Variants in PKHD1L1 observed in about 807,000 individuals in gnomAD.
The protein encoded by PKHD1L1 is PKHD1 like 1.
PKHD1L1 carries 434 observed loss-of-function variants against 462.9 expected under a neutral mutation model. That is an observed-to-expected ratio of 0.94 (90% CI 0.87 to 1.02). The LOEUF (loss-of-function observed/expected upper bound fraction) is 1.02. PKHD1L1 is among the 50% of genes least tolerant of loss of function. The pLI is 0.00. For missense variants in PKHD1L1, 5,202 were observed against 5,096.1 expected (o/e 1.02, Z -0.63); for synonymous variants, 1,781 against 1,750.0 (o/e 1.02, Z -0.44).
chr8:109,372,442 A>G (rs77389950), intron 2 of PKHD1L1, among the ~76,000 whole-genome samples: 5 of 152,220 alleles, frequency 3.3e-5, no homozygotes, highest in Non-Finnish European at 5.9e-5. Context: ...CAATCTCGTC[A>G]TCTGCAAACA....
chr8:109,527,745 G>A (rs928046933), intron 77 of PKHD1L1, among the ~76,000 whole-genome samples: 2 of 152,198 alleles, frequency 1.3e-5, no homozygotes, highest in Non-Finnish European at 2.9e-5. Flanking sequence ...TCTCTTTGGT[G>A]TTAGCTTTAC....
At chr8:109,429,521 T>G in intron 26 of PKHD1L1, 59 bp downstream of exon 26, 1 of 1,493,896 alleles carries the variant, frequency 6.7e-7, no homozygotes. Context: ...AACTAGTTTG[T>G]AATATGTTAA....
chr8:109,390,494 G>T lies in PKHD1L1; in HGVS notation c.740G>T (p.Arg247Met). The change falls in exon 9 of 78, where the codon AGG (arginine) becomes ATG (methionine). Residue 247 changes from arginine (R) to methionine (M), a missense_variant and splice_region_variant. Arg to Met is a moderately conservative substitution (Grantham distance 91). Transcript: ENST00000378402. ...VSFILDNDYG[R>M]SFPQKMAYFV... The stretch of plus-strand genomic sequence containing the variant: ...TTCATCTTAGATAATGATTATGGAA[G>T]GTAGGCTATTTTGTAAATAATAACT... 1.4e-6 allele frequency: 2 copies of T among 1,436,002 alleles called. No homozygotes were observed. The highest frequency in any genetic ancestry group is 1.9e-6 in the Non-Finnish European group (2 of 1,064,760). 89.0% of individuals were successfully genotyped at this position (1,436,002 alleles called of 1,614,324 possible). A position where few individuals can be genotyped will look rare whatever the true frequency, so the allele number is the denominator to read the frequency against.
At chr8:109,492,216 C>T (rs1034759012) in intron 62 of PKHD1L1, among the ~76,000 whole-genome samples, 1 of 151,576 alleles carries the variant, frequency 6.6e-6, no homozygotes, top group African/African-American at 2.4e-5. Flanking sequence ...AGTACAGGGC[C>T]TCTTTGCTGC....
chr8:109,465,486 A>AT (rs1016653917), intron 49 of PKHD1L1, among the ~76,000 whole-genome samples: 2 of 152,160 alleles, frequency 1.3e-5, no homozygotes, highest in African/African-American at 4.8e-5. Flanking sequence ...TGGCACATTG[A>AT]TTTTAAATTA....
intron 77 of PKHD1L1, among the ~76,000 whole-genome samples, chr8:109,527,818 C>G (rs747137003): frequency 2.6e-5 from 4 of 152,174 alleles, no homozygotes; most frequent in Non-Finnish European, 4.4e-5. Flanking sequence ...ACATCTTCTA[C>G]CAGCCCATCA....
intron 47 of PKHD1L1, 87 bp from the exon 48 acceptor site, chr8:109,461,685 C>T: frequency 2.2e-6 from 3 of 1,386,650 alleles, no homozygotes; most frequent in Non-Finnish European, 2.0e-6. Context: ...ATATGTGAAT[C>T]AAATGATACA....
chr8:109,477,283 T>C lies in PKHD1L1; in HGVS notation c.8976T>C (p.Asp2992=), dbSNP rs755745160. 1.1e-5 allele frequency: 17 copies of C among 1,613,592 alleles called. No homozygotes were observed. The highest frequency in any genetic ancestry group is 1.4e-5 in the Non-Finnish European group (17 of 1,179,652). ...SQLISGNLDP[D]VKDVVINFQA... is the part of the protein sequence containing the mutation. The stretch of plus-strand genomic sequence containing the variant: ...TCATTTCTGGGAACCTGGATCCTGA[T>C]GTGAAAGACGTTGTTATTAATTTCC... Residue 2992 remains aspartate (D), a synonymous_variant, in exon 53 of 78, where the codon GAT becomes GAC. Transcript: ENST00000378402.
At chr8:109,425,562 C>T (rs1814702905) in intron 24 of PKHD1L1, among the ~76,000 whole-genome samples, 1 of 151,882 alleles carries the variant, frequency 6.6e-6, no homozygotes, top group Non-Finnish European at 1.5e-5. Flanking sequence ...TAAAAGTCTG[C>T]AAAAATTTAT....
intron 34 of PKHD1L1, 146 bp downstream of exon 34, chr8:109,441,525 G>T (rs1198118090): frequency 1.6e-6 from 1 of 613,398 alleles, no homozygotes; most frequent in Non-Finnish European, 2.8e-6. Flanking sequence ...GCTTGACATA[G>T]AGGGTCACAT....
chr8:109,448,484 C>A, intron 39 of PKHD1L1, 93 bp downstream of exon 39: 33 of 1,184,848 alleles, frequency 2.8e-5, no homozygotes, highest in Non-Finnish European at 3.3e-5. Flanking sequence ...TACTCAAACA[C>A]ATAAAATTTC....
At chr8:109,438,664 T>C (rs1236914000) in intron 31 of PKHD1L1, among the ~76,000 whole-genome samples, 1 of 152,078 alleles carries the variant, frequency 6.6e-6, no homozygotes, top group Non-Finnish European at 1.5e-5. Context: ...GTAAGTTTTT[T>C]TTTTTAAAAA....
At position 109,420,515 on chromosome 8, in the gene PKHD1L1, T is replaced by C. The variant is rs1463559252; in HGVS notation, c.2525-3T>C. ...ACCTAATATTTTTATTTATATTCTTTAGAAATGCCCAAGAGAAGACTTCCT... is the reference window on the plus strand; with the variant it reads ...ACCTAATATTTTTATTTATATTCTTCAGAAATGCCCAAGAGAAGACTTCCT... On this transcript the variant is annotated splice_polypyrimidine_tract_variant and splice_region_variant and intron_variant, in intron 22 of 77. Transcript: ENST00000378402. 1.9e-6 allele frequency: 3 copies of C among 1,552,236 alleles called. No homozygotes were observed. Among genetic ancestry groups the C allele is most frequent in the Non-Finnish European group, 2.6e-6 (3 of 1,153,284 alleles).
At chr8:109,429,889 C>G (rs775011976) in intron 26 of PKHD1L1, 43 bp from the exon 27 acceptor site, 1 of 1,318,832 alleles carries the variant, frequency 7.6e-7, no homozygotes, top group Non-Finnish European at 1.1e-6. Flanking sequence ...CTACTGCTGC[C>G]TCTTTGCCCA....
chr8:109,390,777 T>A (rs998903919), intron 9 of PKHD1L1, among the ~76,000 whole-genome samples: 10 of 152,140 alleles, frequency 6.6e-5, no homozygotes, highest in African/African-American at 1.9e-4. Flanking sequence ...TCTGATTTAA[T>A]TGTAACTTTT....
intron 7 of PKHD1L1, among the ~76,000 whole-genome samples, chr8:109,388,751 G>T (rs1812560504): frequency 6.6e-6 from 1 of 152,072 alleles, no homozygotes; most frequent in Non-Finnish European, 1.5e-5. Flanking sequence ...AGTATGATAT[G>T]AACTATTTAG....
chr8:109,365,050 C>A (rs1811163129), intron 2 of PKHD1L1, among the ~76,000 whole-genome samples: 1 of 152,048 alleles, frequency 6.6e-6, no homozygotes, highest in South Asian at 2.1e-4. Context: ...AGAGGAAAGG[C>A]AATAGAAAAC....
chr8:109,515,870 G>T (rs983587280), intron 72 of PKHD1L1, among the ~76,000 whole-genome samples: 1 of 152,050 alleles, frequency 6.6e-6, no homozygotes, highest in Non-Finnish European at 1.5e-5. Flanking sequence ...GTTAAACAGG[G>T]TTCTAATGAG....
chr8:109,441,928 A>G, intron 34 of PKHD1L1, 79 bp from the exon 35 acceptor site: 2 of 1,255,650 alleles, frequency 1.6e-6, no homozygotes, highest in Non-Finnish European at 2.1e-6. Context: ...CTGACTGTAT[A>G]TAAATTGCCA....
Sources: allele counts gnomAD v4.1 joint callset (sites outside exome capture counted in the v4.1 genomes callset), GRCh38; gene constraint gnomAD v4.1.1; transcripts MANE v1.5; gene names NCBI Gene and HGNC (gene_info 2026-07-23, HGNC 2026-07-21).